MAGI2: variants seen among roughly 807,000 people sequenced by gnomAD.
MAGI2 encodes the protein membrane-associated guanylate kinase, WW and PDZ domain-containing protein 2.
In MAGI2, 35 loss-of-function variants were observed where a neutral mutation model predicts 133.3. That is an observed-to-expected ratio of 0.26 (90% CI 0.20 to 0.35). The LOEUF (loss-of-function observed/expected upper bound fraction) is 0.35. MAGI2 is among the 10% of genes least tolerant of loss of function. MAGI2 has a pLI of 1.00. For missense variants in MAGI2, 1,636 were observed against 1,863.4 expected, an observed-to-expected ratio of 0.88 and a Z score of 2.25; for synonymous variants, 729 against 710.6, an observed-to-expected ratio of 1.03 and a Z score of -0.41.
intron 2 of MAGI2, among the ~76,000 whole-genome samples, chr7:78,715,850 A>G (rs769039063): frequency 1.3e-5 from 2 of 151,394 alleles, no homozygotes; most frequent in South Asian, 4.2e-4. Flanking sequence ...AATACAAAAT[A>G]TAAGTCCTAC....
At chr7:79,404,463 A>G (rs1845673645) in intron 1 of MAGI2, among the ~76,000 whole-genome samples, 1 of 152,006 alleles carries the variant, frequency 6.6e-6, no homozygotes, top group Non-Finnish European at 1.5e-5. Flanking sequence ...GGCCTCCCAA[A>G]GTTCTGGGAT....
At chr7:78,902,034 G>T (rs558221285) in intron 2 of MAGI2, among the ~76,000 whole-genome samples, 7 of 152,178 alleles carry the variant, frequency 4.6e-5, no homozygotes, top group African/African-American at 1.7e-4. Flanking sequence ...AAACTTTATA[G>T]GAAGTGTAAA....
chr7:78,882,115 A>AAAAAAAAAAAAAAAAAAAAAAAAAAAAAG (rs1795918606), intron 2 of MAGI2, among the ~76,000 whole-genome samples: 3 of 93,666 alleles, frequency 3.2e-5, no homozygotes, highest in Non-Finnish European at 7.3e-5. Flanking sequence ...AAAAGAAAAG[A>AAAAAAAAAAAAAAAAAAAAAAAAAAAAAG]AAAACAAAAA....
intron 2 of MAGI2, among the ~76,000 whole-genome samples, chr7:78,639,393 G>A (rs1206325573): frequency 6.6e-6 from 1 of 152,054 alleles, no homozygotes. Context: ...AATTATCATG[G>A]AGGGAAGAAA....
intron 2 of MAGI2, among the ~76,000 whole-genome samples, chr7:78,663,501 C>A (rs991797939): frequency 3.3e-5 from 5 of 152,102 alleles, no homozygotes; most frequent in African/African-American, 1.2e-4. Flanking sequence ...CACTGTGCCC[C>A]GCCATTTGTA....
chr7:78,866,687 C>T (rs889441254), intron 2 of MAGI2, among the ~76,000 whole-genome samples: 6 of 151,878 alleles, frequency 4.0e-5, no homozygotes, highest in Non-Finnish European at 7.4e-5. Flanking sequence ...ATTTGCCTCT[C>T]AGCTAAATAA....
chr7:78,512,063 C>T (rs967241066), intron 4 of MAGI2, among the ~76,000 whole-genome samples: 5 of 150,538 alleles, frequency 3.3e-5, no homozygotes, highest in South Asian at 2.1e-4. Context: ...GCGGAGCTTG[C>T]GGTGAGCGGA....
At chr7:79,339,854 A>G (rs1840760447) in intron 1 of MAGI2, among the ~76,000 whole-genome samples, 1 of 152,128 alleles carries the variant, frequency 6.6e-6, no homozygotes, top group Non-Finnish European at 1.5e-5. Context: ...AATGCAAACA[A>G]GGAGAAATCA....
intron 21 of MAGI2, among the ~76,000 whole-genome samples, chr7:78,059,777 A>ATATATATTTTTT (rs368179491): frequency 2.1e-5 from 3 of 146,084 alleles, no homozygotes; most frequent in African/African-American, 5.1e-5. Flanking sequence ...ATATATATAT[A>ATATATATTTTTT]TTTTTTTTCT....
At chr7:78,779,327 T>C (rs905135036) in intron 2 of MAGI2, among the ~76,000 whole-genome samples, 1 of 152,202 alleles carries the variant, frequency 6.6e-6, no homozygotes, top group Non-Finnish European at 1.5e-5. Flanking sequence ...GACATTTGCC[T>C]GAATGGCTTT....
chr7:78,208,951 G>T (rs188516452), intron 10 of MAGI2, among the ~76,000 whole-genome samples: 4 of 151,512 alleles, frequency 2.6e-5, no homozygotes, highest in Admixed American at 2.6e-4. Flanking sequence ...GGCCGGGCGC[G>T]GTGGCTCACG....
At chr7:78,695,142 T>C (rs1817374211) in intron 2 of MAGI2, among the ~76,000 whole-genome samples, 1 of 152,078 alleles carries the variant, frequency 6.6e-6, no homozygotes, top group African/African-American at 2.4e-5. Context: ...GGAGAATTGC[T>C]TGAACCAGGG....
chr7:79,341,660 G>T (rs181764385), intron 1 of MAGI2, among the ~76,000 whole-genome samples: 1 of 152,266 alleles, frequency 6.6e-6, no homozygotes, highest in East Asian at 1.9e-4. Flanking sequence ...ATCTGCAGTG[G>T]CCAATAGAGG....
chr7:78,185,539 C>T, intron 13 of MAGI2, 90 bp downstream of exon 13: 1 of 1,039,318 alleles, frequency 9.6e-7, no homozygotes. Flanking sequence ...CGATTATATA[C>T]TAGGAAACTG....
intron 2 of MAGI2, among the ~76,000 whole-genome samples, chr7:78,890,305 T>C (rs984913265): frequency 1.3e-5 from 2 of 152,072 alleles, no homozygotes; most frequent in South Asian, 2.1e-4. Context: ...ACTGTCAACA[T>C]TGGACAGATC....
chr7:78,138,211 A>G (rs1036219075), intron 16 of MAGI2, among the ~76,000 whole-genome samples: 2 of 152,068 alleles, frequency 1.3e-5, no homozygotes, highest in Non-Finnish European at 2.9e-5. Context: ...CTTTTATTTG[A>G]TGGGTATAGC....
At chr7:78,454,647 G>T (rs1789109353) in intron 6 of MAGI2, among the ~76,000 whole-genome samples, 1 of 152,134 alleles carries the variant, frequency 6.6e-6, no homozygotes, top group Non-Finnish European at 1.5e-5. Context: ...ATTCATATTT[G>T]CCAAAAACTG....
At chr7:78,793,829 G>A (rs989638081) in intron 2 of MAGI2, among the ~76,000 whole-genome samples, 5 of 152,176 alleles carry the variant, frequency 3.3e-5, no homozygotes, top group Non-Finnish European at 7.4e-5. Flanking sequence ...TTGCTTAGTT[G>A]GTGATCGTAT....
chr7:78,091,980 G>C lies in MAGI2; in HGVS notation c.3568-12895C>G, dbSNP rs116695890. Among the ~76,000 whole-genome samples, 496 of 152,334 alleles carry C rather than the reference G, an allele frequency of 3.3e-3. 7 individuals are homozygous for C. The highest frequency in any genetic ancestry group is 0.011 in the African/African-American group (454 of 41,578). ...ATAGCTGTAAGTGTGAATACATCTA[G>C]TTAGTACTTCATGGGTCTGAATTTC... is the stretch of plus-strand genomic sequence containing the variant. On this transcript the variant is annotated intron_variant, in intron 20 of 21. Transcript: ENST00000354212.
Sources: allele counts gnomAD v4.1 joint callset (sites outside exome capture counted in the v4.1 genomes callset), GRCh38; gene constraint gnomAD v4.1.1; transcripts MANE v1.5; gene names NCBI Gene and HGNC (gene_info 2026-07-23, HGNC 2026-07-21).